PPP3CB: variants seen among roughly 807,000 people sequenced by gnomAD.
PPP3CB encodes the protein protein phosphatase 3 catalytic subunit beta.
A neutral mutation model predicts 66.4 loss-of-function variants in PPP3CB; 8 were observed. The ratio of observed to expected loss-of-function variants is 0.12; its 90% CI spans 0.07 to 0.22. PPP3CB has a LOEUF of 0.22. PPP3CB is among the 10% of genes least tolerant of loss of function. PPP3CB has a pLI of 1.00. For synonymous variants in PPP3CB, 208 were observed against 221.2 expected (o/e 0.94, Z 0.53); for missense variants, 319 against 642.5 (o/e 0.50, Z 5.44).
chr10:73,481,536 T>C (rs2132984341), intron 1 of PPP3CB, among the ~76,000 whole-genome samples: 1 of 151,250 alleles, frequency 6.6e-6, no homozygotes, highest in South Asian at 2.1e-4. Flanking sequence ...CCTGATGCTT[T>C]AGGGTCATCA....
chr10:73,454,406 T>A lies in PPP3CB; in HGVS notation c.1186+6A>T. 6.3e-7 allele frequency: 1 copy of A among 1,591,364 alleles called. No homozygotes were observed. The highest frequency in any genetic ancestry group is 8.6e-7 in the Non-Finnish European group (1 of 1,160,846). On this transcript the variant is annotated splice_donor_region_variant and intron_variant, in intron 10 of 13. Coordinates refer to ENST00000360663, the MANE Select transcript of PPP3CB (RefSeq NM_021132.4). ...AAAAAAAAAATAGTAAGATGAATAA[T>A]CATACCATCAAACTGGTCTTCACCT...
chr10:73,448,270 TG>T (rs1186895504), intron 10 of PPP3CB, among the ~76,000 whole-genome samples: 1 of 152,144 alleles, frequency 6.6e-6, no homozygotes, highest in Non-Finnish European at 1.5e-5. Context: ...ATAAAAACAC[TG>T]TACAAATCAG....
intron 1 of PPP3CB, 53 bp from the exon 2 acceptor site, chr10:73,479,570 A>T: frequency 6.6e-7 from 1 of 1,513,550 alleles, no homozygotes; most frequent in Non-Finnish European, 9.0e-7. Flanking sequence ...ACATTAACTT[A>T]AAAACTAATA....
intron 1 of PPP3CB, among the ~76,000 whole-genome samples, chr10:73,480,819 A>G (rs1317581434): frequency 2.0e-5 from 3 of 152,152 alleles, no homozygotes; most frequent in African/African-American, 7.2e-5. Flanking sequence ...CGCAGTACAT[A>G]TTTATGATTT....
intron 10 of PPP3CB, 44 bp from the exon 11 acceptor site, chr10:73,446,617 G>C (rs550924411): frequency 6.5e-7 from 1 of 1,538,686 alleles, no homozygotes; most frequent in African/African-American, 1.4e-5. Context: ...CAAGTTTAGG[G>C]CATGCATGCT....
At position 73,436,454 on chromosome 10, in the gene PPP3CB, T is replaced by C. The variant is rs2056074881; in HGVS notation, c.*1788A>G. 1 of 152,188 alleles carries C rather than the reference T, an allele frequency of 6.6e-6. No individual in the cohort carries two copies. The highest frequency in any genetic ancestry group is 1.5e-5 in the Non-Finnish European group (1 of 68,038). The allele number at this position is 152,188 out of a possible 1,614,324, so 9.4% of individuals were successfully genotyped here. On this transcript the variant is annotated 3_prime_UTR_variant, in exon 14 of 14. Coordinates refer to ENST00000360663, the MANE Select transcript of PPP3CB (RefSeq NM_021132.4). The stretch of plus-strand genomic sequence containing the variant: ...GCAATTATCACTAATATTTTTCTTA[T>C]TGTTAGAACACCCAGTAAATTCCCA...
At chr10:73,466,761 T>C (rs1366598137) in intron 9 of PPP3CB, among the ~76,000 whole-genome samples, 1 of 152,140 alleles carries the variant, frequency 6.6e-6, no homozygotes, top group African/African-American at 2.4e-5. Flanking sequence ...TTTTGTAATA[T>C]GGAAGAGGTG....
intron 12 of PPP3CB, among the ~76,000 whole-genome samples, chr10:73,441,818 T>C (rs183827143): frequency 2.0e-5 from 3 of 152,228 alleles, no homozygotes; most frequent in East Asian, 1.9e-4. Context: ...GAACAGAAAA[T>C]CCACCTCCAA....
chr10:73,443,515 A>G (rs1191243085), intron 12 of PPP3CB, among the ~76,000 whole-genome samples: 1 of 152,174 alleles, frequency 6.6e-6, no homozygotes, highest in Admixed American at 6.5e-5. Context: ...GGAAAACATC[A>G]GATCTGTTGC....
chr10:73,465,421 G>T (rs1180334933), intron 9 of PPP3CB, among the ~76,000 whole-genome samples: 1 of 152,038 alleles, frequency 6.6e-6, no homozygotes, highest in African/African-American at 2.4e-5. Context: ...TCTTGGCTAG[G>T]TGCAGTGGCT....
chr10:73,490,960 G>A (rs2057062936), intron 1 of PPP3CB, among the ~76,000 whole-genome samples: 1 of 147,600 alleles, frequency 6.8e-6, no homozygotes, highest in South Asian at 2.2e-4. Context: ...AGCCTCCCAA[G>A]TAGTTAGGAT....
At chr10:73,447,845 G>A (rs2056281856) in intron 10 of PPP3CB, among the ~76,000 whole-genome samples, 1 of 151,644 alleles carries the variant, frequency 6.6e-6, no homozygotes, top group East Asian at 1.9e-4. Flanking sequence ...CCAAAACTGT[G>A]TGGGTACCTG....
intron 9 of PPP3CB, among the ~76,000 whole-genome samples, chr10:73,457,513 G>A (rs2056448680): frequency 6.6e-6 from 1 of 151,952 alleles, no homozygotes; most frequent in Non-Finnish European, 1.5e-5. Context: ...CTGAGCAGGT[G>A]GATCACTTGA....
chr10:73,439,943 G>A, intron 12 of PPP3CB, 42 bp from the exon 13 acceptor site: 1 of 1,577,028 alleles, frequency 6.3e-7, no homozygotes, highest in Non-Finnish European at 8.7e-7. Flanking sequence ...GAATGAGAGA[G>A]ATGAGAAGGG....
intron 9 of PPP3CB, among the ~76,000 whole-genome samples, chr10:73,466,228 G>A (rs750528616): frequency 2.0e-5 from 3 of 152,134 alleles, no homozygotes; most frequent in Non-Finnish European, 4.4e-5. Flanking sequence ...TGCATTAGTT[G>A]AGAAAAACCT....
In PPP3CB at chr10:73,488,662, C is replaced by A. The variant is rs186086205; in HGVS notation, c.85+7143G>T. 2.6e-3 allele frequency among the ~76,000 whole-genome samples: 399 copies of A among 151,666 alleles called. 2 individuals are homozygous for A. The highest frequency in any genetic ancestry group is 9.2e-3 in the African/African-American group (379 of 41,322). ...GCTTTAAGGAAAGATTCAATAAATC[C>A]AACAGCATTGTCTTCAAAATTTCAA... On this transcript the variant is annotated intron_variant, in intron 1 of 13. Transcript: ENST00000360663.
intron 9 of PPP3CB, among the ~76,000 whole-genome samples, chr10:73,463,287 C>T (rs995714919): frequency 1.3e-5 from 2 of 152,214 alleles, no homozygotes; most frequent in South Asian, 2.1e-4. Context: ...GGTCTCTCAA[C>T]GTCAAGTCTT....
In PPP3CB at chr10:73,474,953, T is replaced by C; in HGVS notation, c.489A>G (p.Arg163=). The C allele has an allele frequency of 6.2e-7, 1 of 1,614,064 alleles. No homozygotes were observed. The highest frequency in any genetic ancestry group is 8.5e-7 in the Non-Finnish European group (1 of 1,180,000). The change falls in exon 4 of 14, where the codon AGA becomes AGG. Residue 163 remains arginine (R), a synonymous_variant. Coordinates refer to ENST00000360663, the MANE Select transcript of PPP3CB (RefSeq NM_021132.4). ...TAAAGGTAAAATATTCAGTAAGGTGTCTGCATTCATGGTTGCCTCTCAGAA... is the reference window on the plus strand; with the variant it reads ...TAAAGGTAAAATATTCAGTAAGGTGCCTGCATTCATGGTTGCCTCTCAGAA... ...LFLLRGNHEC[R]HLTEYFTFKQ... is the part of the protein sequence containing the mutation.
rs556404445 is a variant in PPP3CB at position 73,475,350 on chromosome 10, A to G, written c.412-320T>C. Among the ~76,000 whole-genome samples, 7 of 152,370 alleles carry G rather than the reference A, an allele frequency of 4.6e-5. No individual in the cohort carries two copies. The South Asian group carries it at 1.0e-3, about 23-fold the overall frequency. ...TTAGCACACTGGTCTACAGATGCGT[A>G]TTAGTAAATAATACTGTCAAAATAA... On this transcript the variant is annotated intron_variant, in intron 3 of 13. Transcript: ENST00000360663.
Sources: allele counts gnomAD v4.1 joint callset (sites outside exome capture counted in the v4.1 genomes callset), GRCh38; gene constraint gnomAD v4.1.1; transcripts MANE v1.5; gene names NCBI Gene and HGNC (gene_info 2026-07-23, HGNC 2026-07-21).